The following CD226 variants were observed in gnomAD, a reference collection of about 807,000 sequenced individuals.
CD226 encodes CD226 antigen.
CD226 carries 24 observed loss-of-function variants against 34.9 expected under a neutral mutation model. The ratio of observed to expected loss-of-function variants is 0.69; its 90% confidence interval spans 0.50 to 0.97. CD226 has a LOEUF of 0.97. Ranked by LOEUF, CD226 falls within the 50% of genes least tolerant of loss-of-function variation. The pLI is 0.00. For synonymous variants in CD226, 148 were observed against 147.4 expected (o/e 1.00, Z -0.03); for missense variants, 397 against 412.7 (o/e 0.96, Z 0.33).
At chr18:69,924,012 A>T (rs2055489431) in intron 2 of CD226, among the ~76,000 whole-genome samples, 1 of 152,160 alleles carries the variant, frequency 6.6e-6, no homozygotes, top group Admixed American at 6.5e-5. Context: ...ATAAAAACAG[A>T]TGCAGCATCA....
Position 69,867,368 on chromosome 18 carries a change from C to T in CD226, c.874G>A (p.Asp292Asn). 1.3e-6 allele frequency: 2 copies of T among 1,595,560 alleles called. No individual in the cohort carries two copies. The highest frequency in any genetic ancestry group is 1.7e-6 in the Non-Finnish European group (2 of 1,163,402). ...CCGTATAAACTTACCTTCTGTGTAT[C>T]CCAGGACTCTGTAAATAGATCTCTT... ...ERRDLFTESW[D>N]TQKAPNNYRS... is the part of the protein sequence containing the mutation. Residue 292 changes from aspartate to asparagine, a missense_variant, in exon 5 of 6, where the codon GAT becomes AAT. By Grantham distance (23) the Asp-to-Asn change is conservative. Coordinates refer to ENST00000582621, the MANE Select transcript of CD226 (RefSeq NM_001303618.2).
At chr18:69,864,988 A>G (rs2145172598) in intron 5 of CD226, among the ~76,000 whole-genome samples, 1 of 152,216 alleles carries the variant, frequency 6.6e-6, no homozygotes, top group Non-Finnish European at 1.5e-5. Flanking sequence ...ATTTAGATTG[A>G]CCTTAGTGTT....
chr18:69,943,129 C>G (rs1335898302), intron 2 of CD226, among the ~76,000 whole-genome samples: 1 of 152,160 alleles, frequency 6.6e-6, no homozygotes, highest in African/African-American at 2.4e-5. Flanking sequence ...ATTACGGGAA[C>G]ATATTACCTC....
At chr18:69,936,214 G>A (rs192897638) in intron 2 of CD226, among the ~76,000 whole-genome samples, 2 of 109,028 alleles carry the variant, frequency 1.8e-5, no homozygotes, top group Non-Finnish European at 4.1e-5. Flanking sequence ...GCTTTAGAGA[G>A]TTTTTAAACT....
At chr18:69,911,874 A>C (rs927187938) in intron 2 of CD226, among the ~76,000 whole-genome samples, 1 of 152,186 alleles carries the variant, frequency 6.6e-6, no homozygotes, top group Non-Finnish European at 1.5e-5. Flanking sequence ...ATTACTAATA[A>C]GCATACTGAA....
intron 1 of CD226, among the ~76,000 whole-genome samples, chr18:69,955,846 G>C (rs922668188): frequency 7.9e-6 from 1 of 127,062 alleles, no homozygotes; most frequent in Admixed American, 9.6e-5. Context: ...CTGGGCAAAG[G>C]AGCGAGACTC....
At chr18:69,940,829 TCACCAAGACAATG>T (rs2055714974) in intron 2 of CD226, among the ~76,000 whole-genome samples, 1 of 152,118 alleles carries the variant, frequency 6.6e-6, no homozygotes, top group African/African-American at 2.4e-5. Flanking sequence ...CAAATGTAAA[TCACCAAGACAATG>T]GGGAAAATGT....
Position 69,864,375 on chromosome 18 carries a change from G to A in CD226, c.950C>T (p.Thr317Ile). Residue 317 changes from threonine (T) to isoleucine (I), a missense_variant, in exon 6 of 6, where the codon ACA becomes ATA. Physicochemically the swap from Thr to Ile is moderately conservative, Grantham distance 89. Coordinates refer to ENST00000582621, the MANE Select transcript of CD226 (RefSeq NM_001303618.2). Reference protein sequence around the residue: ...SQPTNQSMDDTREDIYVNYPT... With the variant: ...SQPTNQSMDDIREDIYVNYPT... ...ATAGTTGACATAAATATCCTCTCTTGTATCATCCATGGATTGATTGGTAGG... is the reference window on the plus strand; with the variant it reads ...ATAGTTGACATAAATATCCTCTCTTATATCATCCATGGATTGATTGGTAGG... 1.2e-6 allele frequency: 2 copies of A among 1,613,084 alleles called. No homozygotes were observed. The highest frequency in any genetic ancestry group is 1.7e-6 in the Non-Finnish European group (2 of 1,179,170).
At chr18:69,901,295 A>G (rs980661311) in intron 2 of CD226, among the ~76,000 whole-genome samples, 3 of 152,230 alleles carry the variant, frequency 2.0e-5, no homozygotes, top group Non-Finnish European at 2.9e-5. Context: ...AATAATTTTA[A>G]GAAATTATTG....
At chr18:69,899,434 G>C (rs1985479893) in intron 2 of CD226, among the ~76,000 whole-genome samples, 2 of 152,190 alleles carry the variant, frequency 1.3e-5, no homozygotes, top group Admixed American at 1.3e-4. Context: ...TTAGCACCTA[G>C]AACCATGCTT....
chr18:69,931,048 C>T (rs1244302540), intron 2 of CD226, among the ~76,000 whole-genome samples: 1 of 152,170 alleles, frequency 6.6e-6, no homozygotes, highest in Non-Finnish European at 1.5e-5. Context: ...GAATACTATG[C>T]AGCCATAAAA....
rs2055178055 is a variant in CD226 at position 69,901,182 on chromosome 18, G to GA, written c.383-5138dup. Among the ~76,000 whole-genome samples, 8 of 152,298 alleles carry GA rather than the reference G, an allele frequency of 5.3e-5. No homozygotes were observed. In the South Asian group the frequency reaches 1.7e-3, roughly 32 times the overall value. ...CAACAACAAAAAAATGAAAGGTGGAGAGGAATCAACCTACAGGTTAAAGGG... is the reference window on the plus strand; with the variant it reads ...CAACAACAAAAAAATGAAAGGTGGAGAAGGAATCAACCTACAGGTTAAAGGG... On this transcript the variant is annotated intron_variant, in intron 2 of 5. Transcript: ENST00000582621.
At chr18:69,933,887 G>A (rs1199009432) in intron 2 of CD226, among the ~76,000 whole-genome samples, 1 of 152,178 alleles carries the variant, frequency 6.6e-6, no homozygotes, top group Non-Finnish European at 1.5e-5. Flanking sequence ...CTTATTAAAT[G>A]TTTGCTCTTT....
At chr18:69,876,744 G>T (rs1222989044) in intron 3 of CD226, among the ~76,000 whole-genome samples, 1 of 151,876 alleles carries the variant, frequency 6.6e-6, no homozygotes, top group Non-Finnish European at 1.5e-5. Context: ...ATCTACCCAA[G>T]GACAGTATCA....
intron 2 of CD226, among the ~76,000 whole-genome samples, chr18:69,941,180 G>A (rs1258260052): frequency 6.6e-6 from 1 of 152,244 alleles, no homozygotes; most frequent in Non-Finnish European, 1.5e-5. Context: ...GTTGCTGCAA[G>A]GGCAGAGCCC....
chr18:69,947,180 T>C, intron 1 of CD226, 111 bp from the exon 2 acceptor site: 1 of 1,026,334 alleles, frequency 9.7e-7, no homozygotes, highest in Non-Finnish European at 1.4e-6. Flanking sequence ...AGGCTGACAG[T>C]TTCTGCCTTT....
At chr18:69,909,860 T>C (rs986859045) in intron 2 of CD226, among the ~76,000 whole-genome samples, 4 of 152,208 alleles carry the variant, frequency 2.6e-5, no homozygotes, top group Non-Finnish European at 5.9e-5. Context: ...CAAGCATTAG[T>C]TGAAATAGAG....
intron 2 of CD226, among the ~76,000 whole-genome samples, chr18:69,923,996 T>A (rs950564050): frequency 1.3e-5 from 2 of 149,666 alleles, no homozygotes; most frequent in Non-Finnish European, 3.0e-5. Context: ...GTCCTCAGAC[T>A]TCAAAATAAA....
At chr18:69,923,215 G>A (rs988024757) in intron 2 of CD226, among the ~76,000 whole-genome samples, 2 of 151,224 alleles carry the variant, frequency 1.3e-5, no homozygotes, top group Non-Finnish European at 2.9e-5. Flanking sequence ...AGGAAAGGGA[G>A]AAAGAAAGAG....
Sources: allele counts gnomAD v4.1 joint callset (sites outside exome capture counted in the v4.1 genomes callset), GRCh38; gene constraint gnomAD v4.1.1; transcripts MANE v1.5; gene names NCBI Gene and HGNC (gene_info 2026-07-23, HGNC 2026-07-21).